The following COL19A1 variants were observed in gnomAD, a reference collection of about 807,000 sequenced individuals.
COL19A1 encodes the protein collagen type XIX alpha 1 chain.
In COL19A1, 159 loss-of-function variants were observed where a neutral mutation model predicts 190.2. The observed-to-expected ratio is 0.84, with a 90% confidence interval of 0.73 to 0.95. COL19A1 has a LOEUF of 0.95. COL19A1 is among the 40% of genes least tolerant of loss of function. COL19A1 has a pLI of 0.00. For missense variants in COL19A1, 1,418 were observed against 1,431.9 expected (o/e 0.99, Z 0.16); for synonymous variants, 509 against 458.9 (o/e 1.11, Z -1.39).
At chr6:70,110,647 A>T (rs1378584387) in intron 16 of COL19A1, among the ~76,000 whole-genome samples, 1 of 152,136 alleles carries the variant, frequency 6.6e-6, no homozygotes, top group Non-Finnish European at 1.5e-5. Flanking sequence ...GCAGCTGGGG[A>T]TATCAGGTTG....
rs1280089798 is a variant in COL19A1, at chr6:70,094,241, A to G, written c.1225-7928A>G. ...GCATAAATCTTATTTCCTTTCATGA[A>G]GTTAAAAAAGAAAACTAAACTTCCC... On this transcript the variant is annotated intron_variant, in intron 15 of 50. Coordinates refer to ENST00000620364, the MANE Select transcript of COL19A1 (RefSeq NM_001858.6). Among the ~76,000 whole-genome samples the G allele has an allele frequency of 2.0e-5, 3 of 152,292 alleles. No homozygotes were observed. The East Asian group carries it at 5.8e-4, about 29-fold the overall frequency.
chr6:69,975,531 A>G (rs1775667276), intron 11 of COL19A1, among the ~76,000 whole-genome samples: 1 of 152,216 alleles, frequency 6.6e-6, no homozygotes, highest in Admixed American at 6.5e-5. Flanking sequence ...TATAGAGTTT[A>G]TAATACTGTC....
At chr6:70,185,618 C>G (rs989128129) in intron 46 of COL19A1, among the ~76,000 whole-genome samples, 2 of 151,954 alleles carry the variant, frequency 1.3e-5, no homozygotes, top group African/African-American at 4.8e-5. Flanking sequence ...TTTAATGAAC[C>G]TCAACATTTT....
intron 11 of COL19A1, among the ~76,000 whole-genome samples, chr6:69,990,637 G>A (rs940071900): frequency 2.0e-5 from 3 of 152,104 alleles, no homozygotes; most frequent in Non-Finnish European, 1.5e-5. Flanking sequence ...GTTTCATGGT[G>A]TACTTTAATA....
intron 19 of COL19A1, among the ~76,000 whole-genome samples, chr6:70,140,439 A>G (rs1786174182): frequency 6.6e-6 from 1 of 152,062 alleles, no homozygotes; most frequent in Non-Finnish European, 1.5e-5. Context: ...CACAGAACTT[A>G]CAGATATGGT....
At chr6:70,060,047 A>T (rs1406808368) in intron 14 of COL19A1, among the ~76,000 whole-genome samples, 1 of 152,198 alleles carries the variant, frequency 6.6e-6, no homozygotes, top group African/African-American at 2.4e-5. Flanking sequence ...AAAAATTGGA[A>T]TAAGTTCCAC....
chr6:70,169,512 C>A (rs959967845), intron 40 of COL19A1, among the ~76,000 whole-genome samples: 1 of 151,988 alleles, frequency 6.6e-6, no homozygotes, highest in Non-Finnish European at 1.5e-5. Context: ...AAATTTTAAA[C>A]CAGCAAAGGG....
At chr6:70,164,606 C>A (rs1055851476) in intron 36 of COL19A1, among the ~76,000 whole-genome samples, 5 of 152,114 alleles carry the variant, frequency 3.3e-5, no homozygotes, top group African/African-American at 1.2e-4. Context: ...CATAGACTTG[C>A]CTTTGAAGTT....
chr6:69,945,738 G>A (rs1208995234), intron 9 of COL19A1, among the ~76,000 whole-genome samples: 1 of 151,944 alleles, frequency 6.6e-6, no homozygotes, highest in Non-Finnish European at 1.5e-5. Flanking sequence ...ACTTGAAGGT[G>A]AAATTTACTT....
At chr6:70,059,011 C>T (rs1048596072) in intron 14 of COL19A1, among the ~76,000 whole-genome samples, 2 of 151,948 alleles carry the variant, frequency 1.3e-5, no homozygotes, top group Non-Finnish European at 2.9e-5. Context: ...CCTGTTATTC[C>T]CATGTTAAAG....
chr6:70,089,667 A>G (rs1326073027), intron 15 of COL19A1, among the ~76,000 whole-genome samples: 2 of 152,198 alleles, frequency 1.3e-5, no homozygotes, highest in Non-Finnish European at 2.9e-5. Flanking sequence ...ATGTGATGAC[A>G]TATGCTTCAG....
At chr6:70,065,183 C>A (rs1781101685) in intron 14 of COL19A1, among the ~76,000 whole-genome samples, 1 of 152,168 alleles carries the variant, frequency 6.6e-6, no homozygotes, top group Non-Finnish European at 1.5e-5. Context: ...AAGCTGGAGG[C>A]ATCATGCTAC....
At chr6:70,194,814 C>T (rs905020201) in intron 48 of COL19A1, among the ~76,000 whole-genome samples, 1 of 152,114 alleles carries the variant, frequency 6.6e-6, no homozygotes, top group Non-Finnish European at 1.5e-5. Context: ...TTGAGTCAAA[C>T]ATGGGACCAA....
At chr6:70,077,779 C>T (rs993566252) in intron 15 of COL19A1, among the ~76,000 whole-genome samples, 1 of 149,762 alleles carries the variant, frequency 6.7e-6, no homozygotes, top group East Asian at 2.0e-4. Flanking sequence ...ATATTTAATA[C>T]CTTGAATGTG....
chr6:69,964,699 A>T (rs1166784380), intron 11 of COL19A1, among the ~76,000 whole-genome samples: 1 of 152,204 alleles, frequency 6.6e-6, no homozygotes, highest in Non-Finnish European at 1.5e-5. Flanking sequence ...AGGTAGAAAT[A>T]TGTTTGTAGA....
chr6:70,040,431 T>C (rs889038545), intron 14 of COL19A1, among the ~76,000 whole-genome samples: 3 of 152,228 alleles, frequency 2.0e-5, no homozygotes, highest in African/African-American at 7.2e-5. Flanking sequence ...TCCCTTCCTA[T>C]CACCTGAAAG....
chr6:69,920,353 A>T (rs1263105090), intron 4 of COL19A1, among the ~76,000 whole-genome samples: 2 of 152,196 alleles, frequency 1.3e-5, no homozygotes, highest in African/African-American at 4.8e-5. Flanking sequence ...TTATGATTAA[A>T]CAGGGGGCTG....
At chr6:70,121,765 T>C in intron 16 of COL19A1, 115 bp from the exon 17 acceptor site, 1 of 666,518 alleles carries the variant, frequency 1.5e-6, no homozygotes, top group Non-Finnish European at 2.6e-6. Context: ...TTTGACTAAA[T>C]AGACAAGTCC....
chr6:69,890,422 T>C (rs1490019275), intron 2 of COL19A1: 1 of 152,192 alleles, frequency 6.6e-6, no homozygotes, highest in Admixed American at 6.5e-5. Flanking sequence ...CTCCCTACAT[T>C]CAATCCCTTA....
Sources: allele counts gnomAD v4.1 joint callset (sites outside exome capture counted in the v4.1 genomes callset), GRCh38; gene constraint gnomAD v4.1.1; transcripts MANE v1.5; gene names NCBI Gene and HGNC (gene_info 2026-07-23, HGNC 2026-07-21).